The following OR8G5 variants were observed in gnomAD, a reference collection of about 807,000 sequenced individuals.
The protein encoded by OR8G5 is olfactory receptor 8G5.
For synonymous variants in OR8G5, 147 were observed against 147.7 expected, an observed-to-expected ratio of 1.00 and a Z score of 0.03; for missense variants, 347 against 371.9, an observed-to-expected ratio of 0.93 and a Z score of 0.55.
chr11:124,260,553 A>G (rs1213396440), intron 1 of OR8G5, among the ~76,000 whole-genome samples: 2 of 151,906 alleles, frequency 1.3e-5, no homozygotes, highest in African/African-American at 2.4e-5. Context: ...AAACATATCG[A>G]TCATCTGTTT....
Position 124,265,753 on chromosome 11 carries a change from C to T in OR8G5, c.822C>T (p.Ser274=), listed in dbSNP as rs752649651. ...GCTCCATGGACCAGGGGAAAGTGTC[C>T]TCTGTGTTTTATACTATTGTTGTGC... ...SVSSMDQGKV[S]SVFYTIVVPM... is the part of the protein sequence containing the mutation. The change falls in exon 2 of 2, where the codon TCC becomes TCT. Residue 274 remains serine (S), a synonymous_variant. Coordinates refer to ENST00000641992, the MANE Select transcript of OR8G5 (RefSeq NM_001005198.2). The T allele has an allele frequency of 6.2e-6, 10 of 1,614,142 alleles. No individual in the cohort carries two copies. The highest frequency in any genetic ancestry group is 1.7e-4 in the Middle Eastern group (1 of 6,060).
At position 124,257,956 on chromosome 11, in the gene OR8G5, C is replaced by T. The variant is rs145499133; in HGVS notation, c.-15+1322C>T. ...CATCTTCTGCACCCCAACATCACCT[C>T]TCTTCTCTCTTAGGAGAGTCCTTCC... is the stretch of plus-strand genomic sequence containing the variant. On this transcript the variant is annotated intron_variant, in intron 1 of 1. Transcript: ENST00000641992. Among the ~76,000 whole-genome samples, 548 of 152,226 alleles carry T rather than the reference C, an allele frequency of 3.6e-3. 3 individuals are homozygous for T. The highest frequency in any genetic ancestry group is 0.013 in the African/African-American group (520 of 41,540).
chr11:124,265,953 CT>C lies in OR8G5; in HGVS notation c.*87del, dbSNP rs1296163978. 1 of 1,428,266 alleles carries C rather than the reference CT, an allele frequency of 7.0e-7. No homozygotes were observed. The highest frequency in any genetic ancestry group is 1.4e-5 in the African/African-American group (1 of 69,402). 88.5% of individuals were successfully genotyped at this position (1,428,266 alleles called of 1,614,324 possible). A position where few individuals can be genotyped will look rare whatever the true frequency, so the allele number is the denominator to read the frequency against. On this transcript the variant is annotated 3_prime_UTR_variant, in exon 2 of 2. Coordinates refer to ENST00000641992, the MANE Select transcript of OR8G5 (RefSeq NM_001005198.2). ...AATGATGTCTTTCACTTTAGTGCAT[CT>C]GTCAACATTCTTTCTAATTTGGGGG... is the stretch of plus-strand genomic sequence containing the variant.
At chr11:124,263,782 T>C (rs1282692699) in intron 1 of OR8G5, among the ~76,000 whole-genome samples, 2 of 152,292 alleles carry the variant, frequency 1.3e-5, no homozygotes, top group East Asian at 1.9e-4. Context: ...GGTGTAGAAA[T>C]GTGTTAAGAA....
rs1862021538 is a variant in OR8G5 at position 124,265,625 on chromosome 11, G to A, written c.694G>A (p.Glu232Lys). Residue 232 changes from glutamate (E) to lysine (K), a missense_variant, in exon 2 of 2, where the codon GAG becomes AAG. Transcript: ENST00000641992. ...IASILRIRYT[E>K]GRSKAFSTCS... ...CAGCATCCTCCGCATTCGCTACACTGAGGGCAGGTCCAAAGCCTTCAGCAC... is the reference window on the plus strand; with the variant it reads ...CAGCATCCTCCGCATTCGCTACACTAAGGGCAGGTCCAAAGCCTTCAGCAC... 1.9e-6 allele frequency: 3 copies of A among 1,613,864 alleles called. No individual in the cohort carries two copies. Among genetic ancestry groups the A allele is most frequent in the Non-Finnish European group, 2.5e-6 (3 of 1,179,890 alleles).
At position 124,265,036 on chromosome 11, in the gene OR8G5, T is replaced by C. The variant is rs1296936797; in HGVS notation, c.105T>C (p.Tyr35=). 3 of 1,614,114 alleles carry C rather than the reference T, an allele frequency of 1.9e-6. No individual in the cohort carries two copies. The highest frequency in any genetic ancestry group is 2.7e-5 in the African/African-American group (2 of 75,026). ...LPLFLVFLGI[Y]VVTVLGNLGM... is the part of the protein sequence containing the mutation. Reference sequence around the variant, plus strand: ...TCTTCCTCGTCTTCCTGGGAATCTATGTAGTCACAGTGCTGGGGAACCTGG... The same window carrying C: ...TCTTCCTCGTCTTCCTGGGAATCTACGTAGTCACAGTGCTGGGGAACCTGG... The change falls in exon 2 of 2, where the codon TAT becomes TAC. Residue 35 remains tyrosine, a synonymous_variant. Coordinates refer to ENST00000641992, the MANE Select transcript of OR8G5 (RefSeq NM_001005198.2).
intron 1 of OR8G5, among the ~76,000 whole-genome samples, chr11:124,260,947 C>A (rs941684478): frequency 6.6e-6 from 1 of 151,808 alleles, no homozygotes; most frequent in African/African-American, 2.4e-5. Flanking sequence ...TGTCACGTAC[C>A]CATTAATCCA....
intron 1 of OR8G5, among the ~76,000 whole-genome samples, chr11:124,260,461 A>T (rs1402666388): frequency 6.6e-6 from 1 of 151,938 alleles, no homozygotes; most frequent in African/African-American, 2.4e-5. Flanking sequence ...CCCCCATGAC[A>T]CAAGTTTACC....
chr11:124,257,061 A>G (rs1861920652), intron 1 of OR8G5, among the ~76,000 whole-genome samples: 2 of 152,230 alleles, frequency 1.3e-5, no homozygotes, highest in African/African-American at 4.8e-5. Flanking sequence ...AAAAAGTCAG[A>G]CAGCTAAGTG....
chr11:124,261,579 T>C (rs1236943844), intron 1 of OR8G5, among the ~76,000 whole-genome samples: 1 of 151,898 alleles, frequency 6.6e-6, no homozygotes, highest in Admixed American at 6.6e-5. Flanking sequence ...AAATCAGAAA[T>C]TTTAGTGAGA....
chr11:124,264,910 C>T lies in OR8G5; in HGVS notation c.-14-8C>T. On this transcript the variant is annotated splice_region_variant and splice_polypyrimidine_tract_variant and intron_variant, in intron 1 of 1. Coordinates refer to ENST00000641992, the MANE Select transcript of OR8G5 (RefSeq NM_001005198.2). ...ACCTAAATACCATGTTTTTTCTCTC[C>T]CCTGCAGAAACTCATCAAAGAATGG... is the stretch of plus-strand genomic sequence containing the variant. The T allele has an allele frequency of 2.5e-6, 4 of 1,612,412 alleles. No homozygotes were observed. The highest frequency in any genetic ancestry group is 1.1e-5 in the South Asian group (1 of 91,006).
At chr11:124,264,719 T>A in intron 1 of OR8G5, 199 bp from the exon 2 acceptor site, 1 of 612,136 alleles carries the variant, frequency 1.6e-6, no homozygotes, top group Non-Finnish European at 2.8e-6. Flanking sequence ...TTAATTATTA[T>A]AAACATAGGT....
chr11:124,265,066 G>A lies in OR8G5; in HGVS notation c.135G>A (p.Met45Ile). ...TCACAGTGCTGGGGAACCTGGGCAT[G>A]ATCACACTGATTGGGCTCAGTTCTC... is the stretch of plus-strand genomic sequence containing the variant. ...YVVTVLGNLG[M>I]ITLIGLSSHL... Residue 45 changes from methionine (M) to isoleucine (I), a missense_variant, in exon 2 of 2, where the codon ATG becomes ATA. Coordinates refer to ENST00000641992, the MANE Select transcript of OR8G5 (RefSeq NM_001005198.2). 6.2e-7 allele frequency: 1 copy of A among 1,614,134 alleles called. No individual in the cohort carries two copies. Among genetic ancestry groups the A allele is most frequent in the Non-Finnish European group, 8.5e-7 (1 of 1,180,024 alleles).
chr11:124,261,941 T>C (rs1861975530), intron 1 of OR8G5, among the ~76,000 whole-genome samples: 1 of 151,838 alleles, frequency 6.6e-6, no homozygotes, highest in Non-Finnish European at 1.5e-5. Flanking sequence ...AAAAAAGAAA[T>C]TATAAAGTGT....
chr11:124,258,888 T>C (rs1234630432), intron 1 of OR8G5, among the ~76,000 whole-genome samples: 3 of 152,148 alleles, frequency 2.0e-5, no homozygotes. Context: ...TTATGGCTCA[T>C]CATACTCTAG....
chr11:124,260,411 A>G (rs573709229), intron 1 of OR8G5, among the ~76,000 whole-genome samples: 31 of 152,070 alleles, frequency 2.0e-4, no homozygotes, highest in African/African-American at 7.2e-4. Context: ...AATAGGTACA[A>G]TGCTTAATAC....
chr11:124,261,545 C>A (rs1317284480), intron 1 of OR8G5, among the ~76,000 whole-genome samples: 2 of 151,848 alleles, frequency 1.3e-5, no homozygotes, highest in Non-Finnish European at 3.0e-5. Flanking sequence ...GGTAAAGATT[C>A]AACTACTAAA....
intron 1 of OR8G5, 57 bp from the exon 2 acceptor site, chr11:124,264,861 A>C: frequency 6.3e-7 from 1 of 1,599,532 alleles, no homozygotes; most frequent in South Asian, 1.1e-5. Context: ...ACTTTCCTAC[A>C]AAAGGAGAAT....
At position 124,265,834 on chromosome 11, in the gene OR8G5, G is replaced by A; in HGVS notation, c.903G>A (p.Leu301=). Residue 301 remains leucine (L), a synonymous_variant, in exon 2 of 2, where the codon CTG becomes CTA. Coordinates refer to ENST00000641992, the MANE Select transcript of OR8G5 (RefSeq NM_001005198.2). ...SLRNKDVHVA[L]KKTLGKRTFL ...GGAATAAAGATGTCCACGTTGCCCT[G>A]AAGAAAACGCTAGGGAAAAGAACAT... is the stretch of plus-strand genomic sequence containing the variant. 2.5e-6 allele frequency: 4 copies of A among 1,613,342 alleles called. No homozygotes were observed. In the South Asian group the frequency reaches 4.4e-5, roughly 18 times the overall value.
Sources: allele counts gnomAD v4.1 joint callset (sites outside exome capture counted in the v4.1 genomes callset), GRCh38; gene constraint gnomAD v4.1.1; transcripts MANE v1.5; gene names NCBI Gene and HGNC (gene_info 2026-07-23, HGNC 2026-07-21).